Variants in TRHDE observed in about 807,000 individuals in gnomAD.
TRHDE encodes the protein thyrotropin releasing hormone degrading enzyme.
Under a neutral mutation model 125.7 loss-of-function variants are expected in TRHDE, and 72 were observed. That is an observed-to-expected ratio of 0.57 (90% CI 0.47 to 0.70). The LOEUF (loss-of-function observed/expected upper bound fraction) is 0.70, where lower values mean the gene tolerates loss of function less well. Ranked by LOEUF, TRHDE falls within the 30% of genes least tolerant of loss-of-function variation. The pLI is 0.00. For missense variants in TRHDE, 1,110 were observed against 1,327.1 expected, an observed-to-expected ratio of 0.84 and a Z score of 2.54; for synonymous variants, 509 against 509.1, an observed-to-expected ratio of 1.00 and a Z score of 0.00.
chr12:72,167,510 T>C (rs1876778720), intron 2 of TRHDE: 2 of 152,152 alleles, frequency 1.3e-5, no homozygotes, highest in South Asian at 4.1e-4. Context: ...CACAATACTT[T>C]TTCTGACCAA....
At chr12:72,477,662 C>T (rs1338971462) in intron 5 of TRHDE, among the ~76,000 whole-genome samples, 1 of 152,160 alleles carries the variant, frequency 6.6e-6, no homozygotes, top group Non-Finnish European at 1.5e-5. Context: ...AGGACTGACA[C>T]AGCACAGTAA....
intron 2 of TRHDE, among the ~76,000 whole-genome samples, chr12:72,150,537 A>C (rs1217790921): frequency 7.4e-6 from 1 of 135,756 alleles, no homozygotes; most frequent in African/African-American, 2.7e-5. Flanking sequence ...TCCTAATGCT[A>C]TCCCTCCCCC....
chr12:72,097,440 A>ATTTTTTTTTTTTTTTTTTTTT (rs869290442), intron 1 of TRHDE, among the ~76,000 whole-genome samples: 2 of 21,638 alleles, frequency 9.2e-5, no homozygotes, highest in African/African-American at 1.9e-4. Context: ...TTCTCACTGA[A>ATTTTTTTTTTTTTTTTTTTTT]TTTTTTTTTT....
intron 3 of TRHDE, among the ~76,000 whole-genome samples, chr12:72,437,294 G>T (rs12311567): frequency 0.087 from 13,184 of 151,762 alleles, 688 homozygotes; most frequent in Admixed American, 0.13. Flanking sequence ...TTGCCTCTTT[G>T]TAACCTTTCC....
intron 3 of TRHDE, among the ~76,000 whole-genome samples, chr12:72,393,139 C>T (rs937847388): frequency 2.6e-5 from 4 of 152,008 alleles, no homozygotes; most frequent in Non-Finnish European, 4.4e-5. Context: ...CATTCTCACC[C>T]GAAGTGAATA....
chr12:72,567,304 C>T (rs555128740), intron 9 of TRHDE, among the ~76,000 whole-genome samples: 43 of 150,676 alleles, frequency 2.9e-4, no homozygotes, highest in Non-Finnish European at 5.1e-4. Context: ...ATAGTTTGCC[C>T]TCCAAAATGT....
At chr12:72,621,925 A>G (rs1390833409) in intron 15 of TRHDE, among the ~76,000 whole-genome samples, 174 bp downstream of exon 15, 1 of 152,186 alleles carries the variant, frequency 6.6e-6, no homozygotes, top group Non-Finnish European at 1.5e-5. Flanking sequence ...AAGTCACAAT[A>G]CAGGTATCTT....
At chr12:72,438,179 TTGA>T in intron 3 of TRHDE, among the ~76,000 whole-genome samples, 1 of 152,026 alleles carries the variant, frequency 6.6e-6, no homozygotes. Context: ...TATTCATCTG[TTGA>T]TGGACACTTA....
intron 2 of TRHDE, among the ~76,000 whole-genome samples, chr12:72,152,176 C>T (rs1293702462): frequency 1.3e-5 from 2 of 150,534 alleles, no homozygotes; most frequent in African/African-American, 2.5e-5. Context: ...TGGGAGTTCA[C>T]TCATGATTTG....
chr12:72,654,308 C>A (rs955659168), intron 17 of TRHDE, among the ~76,000 whole-genome samples: 1 of 152,110 alleles, frequency 6.6e-6, no homozygotes, highest in African/African-American at 2.4e-5. Context: ...CTCACTGAAT[C>A]CATGATCTCC....
chr12:72,377,000 A>C (rs1871916338), intron 2 of TRHDE, among the ~76,000 whole-genome samples: 1 of 152,160 alleles, frequency 6.6e-6, no homozygotes, highest in South Asian at 2.1e-4. Flanking sequence ...TCATTTTATA[A>C]ATGAGAGTGT....
At chr12:72,154,488 C>A (rs1437098213) in intron 2 of TRHDE, among the ~76,000 whole-genome samples, 1 of 152,148 alleles carries the variant, frequency 6.6e-6, no homozygotes, top group Admixed American at 6.5e-5. Flanking sequence ...TCTTCCTAGC[C>A]TCGATGGTCT....
intron 10 of TRHDE, among the ~76,000 whole-genome samples, chr12:72,571,394 T>C (rs1870725285): frequency 6.6e-6 from 1 of 152,220 alleles, no homozygotes; most frequent in Non-Finnish European, 1.5e-5. Context: ...ATCTACATGA[T>C]ATTAAGGCAG....
chr12:72,095,430 A>G (rs147385895), intron 1 of TRHDE, among the ~76,000 whole-genome samples: 289 of 152,278 alleles, frequency 1.9e-3, no homozygotes, highest in South Asian at 0.015. Flanking sequence ...AAACCACCTC[A>G]TAATTGAGTG....
chr12:72,131,892 G>A (rs1032509144), intron 2 of TRHDE, among the ~76,000 whole-genome samples: 1 of 152,180 alleles, frequency 6.6e-6, no homozygotes, highest in Non-Finnish European at 1.5e-5. Flanking sequence ...CCCCTACAAG[G>A]AGGCAAGGCA....
chr12:72,105,909 T>C (rs1199645345), intron 2 of TRHDE, among the ~76,000 whole-genome samples: 1 of 152,200 alleles, frequency 6.6e-6, no homozygotes, highest in Non-Finnish European at 1.5e-5. Context: ...CATTCAAATA[T>C]ACCTCTCTCT....
chr12:72,377,995 G>A lies in TRHDE; in HGVS notation c.1189G>A (p.Val397Ile), dbSNP rs749842528. The part of the protein sequence containing the change: ...RETTTKSGVV[V>I]RLYARPDAIR... ...AACTTTTATATATATTTTTAATTAGGTACGATTATATGCAAGACCTGATGC... is the reference window on the plus strand; with the variant it reads ...AACTTTTATATATATTTTTAATTAGATACGATTATATGCAAGACCTGATGC... Residue 397 changes from valine to isoleucine, a missense_variant and splice_region_variant, in exon 3 of 19, where the codon GTA (valine) becomes ATA (isoleucine). Physicochemically the swap from Val to Ile is conservative, Grantham distance 29. Coordinates refer to ENST00000261180, the MANE Select transcript of TRHDE (RefSeq NM_013381.3). 2.5e-6 allele frequency: 4 copies of A among 1,572,592 alleles called. No individual in the cohort carries two copies. In the South Asian group the frequency reaches 3.6e-5, roughly 14 times the overall value.
intron 6 of TRHDE, among the ~76,000 whole-genome samples, chr12:72,508,578 A>C (rs1878451797): frequency 6.6e-6 from 1 of 152,170 alleles, no homozygotes; most frequent in Admixed American, 6.5e-5. Context: ...TCTTGGAAGT[A>C]ACTAACTTGT....
intron 2 of TRHDE, among the ~76,000 whole-genome samples, chr12:72,338,858 A>T (rs1476743422): frequency 6.6e-6 from 1 of 152,198 alleles, no homozygotes; most frequent in African/African-American, 2.4e-5. Flanking sequence ...GAATTTCAAG[A>T]TATCGTAATC....
Sources: gnomAD v4.1 joint callset for allele counts (sites outside exome capture counted in the v4.1 genomes callset) on GRCh38, gnomAD v4.1.1 for gene constraint, MANE v1.5 for transcripts, NCBI Gene and HGNC (gene_info 2026-07-23, HGNC 2026-07-21) for gene names.